Variants in NUBPL observed in about 807,000 individuals in gnomAD.
The protein encoded by NUBPL is iron-sulfur cluster transfer protein NUBPL.
NUBPL carries 31 observed loss-of-function variants against 45.7 expected under a neutral mutation model. The observed-to-expected ratio is 0.68, with a 90% confidence interval of 0.51 to 0.92. The LOEUF (loss-of-function observed/expected upper bound fraction) is 0.92, where lower values mean the gene tolerates loss of function less well. NUBPL is among the 40% of genes least tolerant of loss of function. NUBPL has a pLI of 0.00. For synonymous variants in NUBPL, 144 were observed against 140.9 expected (o/e 1.02, Z -0.15); for missense variants, 401 against 398.7 (o/e 1.01, Z -0.05).
intron 4 of NUBPL, among the ~76,000 whole-genome samples, chr14:31,663,904 T>G (rs12887250): frequency 0.011 from 1,645 of 152,304 alleles, 17 homozygotes; most frequent in Non-Finnish European, 0.015. Flanking sequence ...TTGTGTCCTC[T>G]CATTTCCTTG....
chr14:31,814,618 A>G (rs989374444), intron 7 of NUBPL, among the ~76,000 whole-genome samples: 38 of 152,104 alleles, frequency 2.5e-4, no homozygotes, highest in African/African-American at 8.4e-4. Flanking sequence ...GCCCATGCCT[A>G]TATCCTGAAT....
intron 6 of NUBPL, among the ~76,000 whole-genome samples, chr14:31,713,240 C>T (rs2037616884): frequency 6.6e-6 from 1 of 152,178 alleles, no homozygotes; most frequent in Non-Finnish European, 1.5e-5. Context: ...TGCCCTTGAA[C>T]TCCACTCTCA....
chr14:31,646,845 T>TTTC (rs376174515), intron 4 of NUBPL, among the ~76,000 whole-genome samples: 2 of 135,634 alleles, frequency 1.5e-5, no homozygotes, highest in Admixed American at 7.4e-5. Flanking sequence ...ACTTCTCAAA[T>TTTC]TTGTTTTTTT....
intron 7 of NUBPL, among the ~76,000 whole-genome samples, chr14:31,802,580 T>G (rs1299703200): frequency 6.6e-6 from 1 of 152,164 alleles, no homozygotes; most frequent in Non-Finnish European, 1.5e-5. Flanking sequence ...CTGGCCGCCC[T>G]TCTTTTCTAC....
chr14:31,823,369 CA>C (rs1361207948), intron 7 of NUBPL, among the ~76,000 whole-genome samples: 3 of 151,884 alleles, frequency 2.0e-5, no homozygotes, highest in Admixed American at 6.6e-5. Context: ...AAATAGTAGA[CA>C]AAAAGTGTTT....
chr14:31,676,213 G>C (rs1445322762), intron 6 of NUBPL, among the ~76,000 whole-genome samples: 1 of 151,972 alleles, frequency 6.6e-6, no homozygotes, highest in Non-Finnish European at 1.5e-5. Flanking sequence ...AGTAGGGACG[G>C]GGTTTCTCCA....
At chr14:31,835,775 TATAAC>T (rs1394086618) in intron 8 of NUBPL, among the ~76,000 whole-genome samples, 1 of 152,170 alleles carries the variant, frequency 6.6e-6, no homozygotes. Context: ...TTTTAAAACT[TATAAC>T]ATCCATGCAC....
At position 31,655,264 on chromosome 14, in the gene NUBPL, T is replaced by A. The variant is rs897876457; in HGVS notation, c.383-18091T>A. ...GCTTTAGCCTTATGAAGTGTATTTC[T>A]GTAATAATAAGACTTGAAAGTCAAA... On this transcript the variant is annotated intron_variant, in intron 4 of 10. Transcript: ENST00000281081. Among the ~76,000 whole-genome samples the A allele has an allele frequency of 3.9e-5, 6 of 152,374 alleles. No homozygotes were observed. In the East Asian group the frequency reaches 1.2e-3, roughly 29 times the overall value.
At chr14:31,695,150 A>T (rs1405141545) in intron 6 of NUBPL, among the ~76,000 whole-genome samples, 1 of 152,208 alleles carries the variant, frequency 6.6e-6, no homozygotes, top group Non-Finnish European at 1.5e-5. Flanking sequence ...TCATAGCGCA[A>T]ACCCTGTTAG....
intron 4 of NUBPL, among the ~76,000 whole-genome samples, chr14:31,654,413 T>C (rs896123577): frequency 3.6e-5 from 5 of 137,960 alleles, no homozygotes; most frequent in African/African-American, 1.4e-4. Context: ...TTTTTTTTTC[T>C]TTTTTTTTTT....
At chr14:31,564,314 G>A (rs989207054) in intron 2 of NUBPL, among the ~76,000 whole-genome samples, 1 of 151,990 alleles carries the variant, frequency 6.6e-6, no homozygotes, top group Non-Finnish European at 1.5e-5. Context: ...TTCCCTCTGT[G>A]CACAGTAGTC....
intron 6 of NUBPL, among the ~76,000 whole-genome samples, chr14:31,676,091 C>T (rs185798837): frequency 1.7e-4 from 25 of 151,406 alleles, no homozygotes; most frequent in East Asian, 3.9e-4. Flanking sequence ...AGTGCCATCT[C>T]AGCTCACTGC....
intron 6 of NUBPL, among the ~76,000 whole-genome samples, chr14:31,758,477 C>T (rs1021297874): frequency 3.3e-5 from 5 of 152,084 alleles, no homozygotes; most frequent in Non-Finnish European, 7.4e-5. Flanking sequence ...TTTCTCTTAG[C>T]ATTTATTTTA....
intron 4 of NUBPL, among the ~76,000 whole-genome samples, chr14:31,635,162 C>G (rs1202380748): frequency 1.3e-5 from 2 of 150,530 alleles, no homozygotes; most frequent in Non-Finnish European, 1.5e-5. Flanking sequence ...GAAGTCCTTG[C>G]CCATGCCTGT....
At chr14:31,714,993 A>T (rs1351197030) in intron 6 of NUBPL, among the ~76,000 whole-genome samples, 1 of 152,154 alleles carries the variant, frequency 6.6e-6, no homozygotes, top group Non-Finnish European at 1.5e-5. Context: ...ACTTAAGCCA[A>T]ACTCTTCGAA....
intron 7 of NUBPL, among the ~76,000 whole-genome samples, chr14:31,811,656 C>G (rs548286208): frequency 6.6e-6 from 1 of 152,102 alleles, no homozygotes; most frequent in African/African-American, 2.4e-5. Flanking sequence ...TGCTTTGTTC[C>G]GTTGCTGGTG....
chr14:31,754,321 C>G (rs1429224209), intron 6 of NUBPL, among the ~76,000 whole-genome samples: 1 of 152,126 alleles, frequency 6.6e-6, no homozygotes, highest in East Asian at 1.9e-4. Flanking sequence ...AAGTAGTTAG[C>G]ATAAATTATG....
chr14:31,825,611 TCTTCTTCTC>T (rs1489665816), intron 7 of NUBPL, among the ~76,000 whole-genome samples: 2 of 151,148 alleles, frequency 1.3e-5, no homozygotes, highest in African/African-American at 4.9e-5. Context: ...CTCATCTTCC[TCTTCTTCTC>T]CTCCTCCTCC....
chr14:31,749,938 C>T (rs1364354399), intron 6 of NUBPL, among the ~76,000 whole-genome samples: 49 of 151,970 alleles, frequency 3.2e-4, no homozygotes, highest in Admixed American at 3.2e-3. Context: ...TTCAAAAGAC[C>T]TGTTTTCAAG....
Sources: allele counts gnomAD v4.1 joint callset (sites outside exome capture counted in the v4.1 genomes callset), GRCh38; gene constraint gnomAD v4.1.1; transcripts MANE v1.5; gene names NCBI Gene and HGNC (gene_info 2026-07-23, HGNC 2026-07-21).